DDX31: variants seen among roughly 807,000 people sequenced by gnomAD.
DDX31 encodes DEAD-box helicase 31.
In DDX31, 70 loss-of-function variants were observed where a neutral mutation model predicts 91.3. The observed-to-expected ratio is 0.77, with a 90% CI of 0.63 to 0.94. The LOEUF (loss-of-function observed/expected upper bound fraction) is 0.94, where lower values mean the gene tolerates loss of function less well. Ranked by LOEUF, DDX31 falls within the 40% of genes least tolerant of loss-of-function variation. The pLI is 0.00. For synonymous variants in DDX31, 362 were observed against 350.6 expected (o/e 1.03, Z -0.36); for missense variants, 902 against 925.0 (o/e 0.98, Z 0.32).
At position 132,669,928 on chromosome 9, in the gene DDX31, C is replaced by T. The variant is rs745987481; in HGVS notation, c.7G>A (p.Ala3Thr). 6 of 1,590,986 alleles carry T rather than the reference C, an allele frequency of 3.8e-6. No individual in the cohort carries two copies. In the South Asian group the frequency reaches 4.6e-5, roughly 12 times the overall value. The change falls in exon 1 of 20, where the codon GCC (alanine) becomes ACC (threonine). Residue 3 changes from alanine (A) to threonine (T), a missense_variant. By Grantham distance (58) the Ala-to-Thr change is moderately conservative. Coordinates refer to ENST00000372159, the MANE Select transcript of DDX31 (RefSeq NM_022779.9). MA[A>T]ADGSLFDNPR... is the part of the protein sequence containing the mutation. ...TTGTCGAAGAGCGAACCGTCGGCGG[C>T]TGCCATGGTCTGCGTGGGTGACGCG...
chr9:132,650,135 A>G, intron 9 of DDX31, 99 bp downstream of exon 9: 2 of 1,191,032 alleles, frequency 1.7e-6, no homozygotes, highest in Non-Finnish European at 2.5e-6. Context: ...GCAGAGCCTG[A>G]GACAAAGCTC....
rs1830281539 is a variant in DDX31 at position 132,593,232 on chromosome 9, T to C, written c.*1634A>G. ...GTTGCATGATTCTAGCACTTCTCTT[T>C]CCCCCCAGGGATGCCGAACTCTGCC... is the stretch of plus-strand genomic sequence containing the variant. On this transcript the variant is annotated 3_prime_UTR_variant, in exon 20 of 20. Transcript: ENST00000372159. 6.6e-6 allele frequency: 1 copy of C among 152,098 alleles called. No homozygotes were observed. The highest frequency in any genetic ancestry group is 1.5e-5 in the Non-Finnish European group (1 of 68,018). The allele number at this position is 152,098 out of a possible 1,614,324, so 9.4% of individuals were successfully genotyped here.
chr9:132,617,165 C>T (rs933070044), intron 18 of DDX31, among the ~76,000 whole-genome samples: 6 of 152,172 alleles, frequency 3.9e-5, no homozygotes, highest in Non-Finnish European at 8.8e-5. Flanking sequence ...TCGAGCTCGT[C>T]TGCACCAGCT....
intron 6 of DDX31, among the ~76,000 whole-genome samples, chr9:132,653,494 C>CAAAAAAAAAAAAAAAAAAAAAA (rs71376648): frequency 4.8e-5 from 1 of 20,660 alleles, no homozygotes; most frequent in African/African-American, 8.9e-5. Context: ...AACTCAGTCT[C>CAAAAAAAAAAAAAAAAAAAAAA]AAAAAAAAAA....
intron 15 of DDX31, among the ~76,000 whole-genome samples, chr9:132,631,776 G>C (rs1345825817): frequency 6.6e-6 from 1 of 152,122 alleles, no homozygotes; most frequent in Non-Finnish European, 1.5e-5. Flanking sequence ...TGAAATTTTG[G>C]TTTGTGACAC....
chr9:132,661,169 G>A lies in DDX31; in HGVS notation c.452+39C>T, dbSNP rs369616157. On this transcript the variant is annotated intron_variant, in intron 4 of 19. Coordinates refer to ENST00000372159, the MANE Select transcript of DDX31 (RefSeq NM_022779.9). ...ACAGGTTTCGTCCGGTTATACCCACGTAATGCCTAAGAAATCAAGAGGAGC... is the reference window on the plus strand; with the variant it reads ...ACAGGTTTCGTCCGGTTATACCCACATAATGCCTAAGAAATCAAGAGGAGC... 3.2e-5 allele frequency: 50 copies of A among 1,584,724 alleles called. No individual in the cohort carries two copies. The African/African-American group carries it at 4.6e-4, about 15-fold the overall frequency.
chr9:132,597,388 G>A (rs1258451395), intron 19 of DDX31, among the ~76,000 whole-genome samples: 1 of 152,184 alleles, frequency 6.6e-6, no homozygotes, highest in Non-Finnish European at 1.5e-5. Context: ...TTTTAGTCAG[G>A]TTATGTGACA....
At chr9:132,640,828 T>C (rs1198444633) in intron 14 of DDX31, among the ~76,000 whole-genome samples, 1 of 152,152 alleles carries the variant, frequency 6.6e-6, no homozygotes, top group African/African-American at 2.4e-5. Context: ...CTTTATTAAG[T>C]AGATTATTTG....
At position 132,662,714 on chromosome 9, in the gene DDX31, G is replaced by A; in HGVS notation, c.76-19C>T. ...TTGCTTGCTGCGTTGTTCCCAGAAG[G>A]AAAGATCAACAAGAGATGCATTAGT... On this transcript the variant is annotated intron_variant, in intron 1 of 19. Coordinates refer to ENST00000372159, the MANE Select transcript of DDX31 (RefSeq NM_022779.9). 6.2e-7 allele frequency: 1 copy of A among 1,613,592 alleles called. No homozygotes were observed. Among genetic ancestry groups the A allele is most frequent in the Non-Finnish European group, 8.5e-7 (1 of 1,179,932 alleles).
In DDX31 at chr9:132,638,253, G is replaced by T. The variant is rs144435946; in HGVS notation, c.1440+3751C>A. ...CTAATGTCAGCCTTAAAATCAGGTG[G>T]CTTAGAAACTCCATTTTCCGGCCAT... On this transcript the variant is annotated intron_variant, in intron 14 of 19. Coordinates refer to ENST00000372159, the MANE Select transcript of DDX31 (RefSeq NM_022779.9). 14 of 1,597,380 alleles carry T rather than the reference G, an allele frequency of 8.8e-6. No individual in the cohort carries two copies. The East Asian group carries it at 3.2e-4, about 36-fold the overall frequency.
chr9:132,611,999 G>A (rs1831366006), intron 19 of DDX31, 88 bp downstream of exon 19: 2 of 1,506,824 alleles, frequency 1.3e-6, no homozygotes, highest in South Asian at 2.6e-5. Flanking sequence ...AGTGAGAAGA[G>A]AGTTGCGGTG....
intron 19 of DDX31, among the ~76,000 whole-genome samples, chr9:132,600,777 G>C (rs1012322905): frequency 6.6e-6 from 1 of 152,202 alleles, no homozygotes; most frequent in Non-Finnish European, 1.5e-5. Context: ...GGGACGGGCA[G>C]AGGACCAGAA....
At position 132,609,267 on chromosome 9, in the gene DDX31, T is replaced by C. The variant is rs572960106; in HGVS notation, c.1994+2820A>G. ...AAAGGCTGCCCCATACCATCTTACA[T>C]GCTCTTTATCAGCTAATCAGCCCAT... On this transcript the variant is annotated intron_variant, in intron 19 of 19. Transcript: ENST00000372159. Among the ~76,000 whole-genome samples the C allele has an allele frequency of 2.8e-3, 432 of 152,278 alleles. 1 individual carries two copies. Among genetic ancestry groups the C allele is most frequent in the Non-Finnish European group, 4.6e-3 (313 of 68,014 alleles).
At chr9:132,653,132 A>C (rs375684875) in intron 6 of DDX31, among the ~76,000 whole-genome samples, 32 of 152,210 alleles carry the variant, frequency 2.1e-4, no homozygotes, top group Middle Eastern at 6.8e-3. Context: ...AAAAACCATA[A>C]GAGAACTAAT....
chr9:132,624,980 G>A (rs1365571415), intron 17 of DDX31, among the ~76,000 whole-genome samples: 14 of 152,156 alleles, frequency 9.2e-5, no homozygotes, highest in African/African-American at 3.4e-4. Flanking sequence ...AAATATTCAA[G>A]TGATTAATAT....
In DDX31 at chr9:132,668,322, C is replaced by T. The variant is rs1439875640; in HGVS notation, c.75+1538G>A. 2.0e-5 allele frequency among the ~76,000 whole-genome samples: 3 copies of T among 152,274 alleles called. No individual in the cohort carries two copies. In the East Asian group the frequency reaches 5.8e-4, roughly 29 times the overall value. ...TAGCAATGGGATTATATCAATGAAA[C>T]CGATTTTCCTATCCCCCTCCATTGC... On this transcript the variant is annotated intron_variant, in intron 1 of 19. Transcript: ENST00000372159.
intron 13 of DDX31, among the ~76,000 whole-genome samples, chr9:132,643,099 C>T (rs1298040855): frequency 6.6e-6 from 1 of 152,210 alleles, no homozygotes; most frequent in African/African-American, 2.4e-5. Context: ...GCTAGGATTA[C>T]AGGCGTGAGC....
At chr9:132,640,969 T>C (rs1359193778) in intron 14 of DDX31, among the ~76,000 whole-genome samples, 2 of 152,176 alleles carry the variant, frequency 1.3e-5, no homozygotes, top group Admixed American at 6.5e-5. Flanking sequence ...AAGTATTCCA[T>C]GGTTACAGCT....
Position 132,609,648 on chromosome 9 carries a change from G to A in DDX31, c.1994+2439C>T, listed in dbSNP as rs145184104. ...TTTTTTTTTTCTTCTTTGAGACAGC[G>A]TCTCACTCTGTCGCCCAGGCTGGAG... On this transcript the variant is annotated intron_variant, in intron 19 of 19. Transcript: ENST00000372159. 2.9e-3 allele frequency among the ~76,000 whole-genome samples: 443 copies of A among 151,922 alleles called. 2 individuals carry two copies. The highest frequency in any genetic ancestry group is 0.01 in the African/African-American group (421 of 41,418).
Sources: allele counts gnomAD v4.1 joint callset (sites outside exome capture counted in the v4.1 genomes callset), GRCh38; gene constraint gnomAD v4.1.1; transcripts MANE v1.5; gene names NCBI Gene and HGNC (gene_info 2026-07-23, HGNC 2026-07-21).